Variants in ASXL2 observed in about 807,000 individuals in gnomAD.
ASXL2 encodes the protein putative Polycomb group protein ASXL2.
In ASXL2, 23 loss-of-function variants were observed where a neutral mutation model predicts 122.0. The ratio of observed to expected loss-of-function variants is 0.19; its 90% CI spans 0.14 to 0.27. The LOEUF (loss-of-function observed/expected upper bound fraction) is 0.27. Ranked by LOEUF, ASXL2 falls within the 10% of genes least tolerant of loss-of-function variation. The pLI, the probability that ASXL2 is intolerant of heterozygous loss-of-function variation, is 1.00. For synonymous variants in ASXL2, 650 were observed against 637.0 expected (o/e 1.02, Z -0.31); for missense variants, 1,518 against 1,713.8 (o/e 0.89, Z 2.02).
chr2:25,810,587 C>A, intron 3 of ASXL2: 1 of 734,342 alleles, frequency 1.4e-6, no homozygotes, highest in Non-Finnish European at 2.4e-6. Context: ...CTCTCCTCTG[C>A]ATCATCTGCC....
At chr2:25,791,771 A>C (rs1031877566) in intron 5 of ASXL2, among the ~76,000 whole-genome samples, 1 of 152,212 alleles carries the variant, frequency 6.6e-6, no homozygotes, top group Non-Finnish European at 1.5e-5. Context: ...ACCCAGGCAA[A>C]GTTAACTTAG....
Position 25,860,179 on chromosome 2 carries a change from C to T in ASXL2, c.58-14616G>A, listed in dbSNP as rs544357972. ...ATACAAAATTAACCGGGCATGGTGG[C>T]GCATGCCTGTAATCCCAGCTACTCC... On this transcript the variant is annotated intron_variant, in intron 1 of 12. Coordinates refer to ENST00000435504, the MANE Select transcript of ASXL2 (RefSeq NM_018263.6). Among the ~76,000 whole-genome samples, 17 of 152,118 alleles carry T rather than the reference C, an allele frequency of 1.1e-4. No individual in the cohort carries two copies. The East Asian group carries it at 1.4e-3, about 12-fold the overall frequency.
chr2:25,801,003 T>A (rs1042873402), intron 4 of ASXL2, among the ~76,000 whole-genome samples: 1 of 152,220 alleles, frequency 6.6e-6, no homozygotes, highest in Non-Finnish European at 1.5e-5. Context: ...CACAGCTCAC[T>A]GTAGCCTCGA....
chr2:25,852,614 AAT>A (rs1432923325), intron 1 of ASXL2, among the ~76,000 whole-genome samples: 1 of 152,258 alleles, frequency 6.6e-6, no homozygotes, highest in Non-Finnish European at 1.5e-5. Context: ...CAGATCAGCC[AAT>A]ATAGAGTGAG....
chr2:25,826,590 T>C (rs2089380263), intron 3 of ASXL2, among the ~76,000 whole-genome samples: 2 of 152,142 alleles, frequency 1.3e-5, no homozygotes, highest in East Asian at 3.9e-4. Context: ...CCCAATCTCT[T>C]GTCCATTTTT....
At chr2:25,774,457 T>C (rs2088513818) in intron 5 of ASXL2, among the ~76,000 whole-genome samples, 1 of 152,202 alleles carries the variant, frequency 6.6e-6, no homozygotes, top group African/African-American at 2.4e-5. Context: ...TTTACCTCTT[T>C]TATACTTTAT....
At chr2:25,751,853 T>C (rs552377533) in intron 11 of ASXL2, among the ~76,000 whole-genome samples, 109 of 152,128 alleles carry the variant, frequency 7.2e-4, no homozygotes, top group African/African-American at 2.5e-3. Flanking sequence ...GTAATCTTGG[T>C]CACTGCAACC....
At chr2:25,829,897 G>A (rs11884158) in intron 3 of ASXL2, among the ~76,000 whole-genome samples, 6,464 of 152,272 alleles carry the variant, frequency 0.042, 212 homozygotes, top group African/African-American at 0.08. Flanking sequence ...ATGCTGAGCA[G>A]CCAAGTAGCT....
intron 9 of ASXL2, among the ~76,000 whole-genome samples, chr2:25,758,536 G>T (rs1201021293): frequency 6.6e-6 from 1 of 152,126 alleles, no homozygotes; most frequent in Non-Finnish European, 1.5e-5. Context: ...GATCAGAAGG[G>T]GGAGTGACTG....
chr2:25,802,992 C>T (rs1235213732), intron 4 of ASXL2, among the ~76,000 whole-genome samples: 1 of 152,092 alleles, frequency 6.6e-6, no homozygotes, highest in Non-Finnish European at 1.5e-5. Context: ...ATTAGTTAGG[C>T]GAGGTGGCAA....
chr2:25,857,852 G>A (rs190210906), intron 1 of ASXL2, among the ~76,000 whole-genome samples: 156 of 152,030 alleles, frequency 1.0e-3, no homozygotes, highest in Non-Finnish European at 2.0e-3. Context: ...CATGCAGGCA[G>A]GGATTTTTAT....
chr2:25,876,292 T>A (rs1263510920), intron 1 of ASXL2, among the ~76,000 whole-genome samples: 1 of 152,222 alleles, frequency 6.6e-6, no homozygotes, highest in East Asian at 1.9e-4. Context: ...TATACTAACA[T>A]AGGAAAAGCT....
At chr2:25,799,147 G>GTCAT (rs1404908538) in intron 5 of ASXL2, among the ~76,000 whole-genome samples, 1 of 152,096 alleles carries the variant, frequency 6.6e-6, no homozygotes, top group African/African-American at 2.4e-5. Flanking sequence ...AAATTCCTTG[G>GTCAT]TCATAATAAC....
rs559516716 is a variant in ASXL2, at chr2:25,758,451, A to T, written c.939+1031T>A. 1.1e-3 allele frequency among the ~76,000 whole-genome samples: 168 copies of T among 152,280 alleles called. 1 individual carries two copies. The highest frequency in any genetic ancestry group is 3.8e-3 in the African/African-American group (157 of 41,562). On this transcript the variant is annotated intron_variant, in intron 9 of 12. Coordinates refer to ENST00000435504, the MANE Select transcript of ASXL2 (RefSeq NM_018263.6). ...TACTTAGAACACAGCTGAGATTTTT[A>T]AAAATCTCAGAAGTGAAGAAAGCTT...
chr2:25,872,374 CCT>C (rs998212059), intron 1 of ASXL2, among the ~76,000 whole-genome samples: 3 of 151,906 alleles, frequency 2.0e-5, no homozygotes, highest in African/African-American at 7.3e-5. Flanking sequence ...ACAGCAAGAC[CCT>C]GTCTCAAGGA....
At chr2:25,826,830 T>C (rs2089384495) in intron 3 of ASXL2, among the ~76,000 whole-genome samples, 1 of 145,154 alleles carries the variant, frequency 6.9e-6, no homozygotes, top group African/African-American at 2.5e-5. Context: ...TTCAAGTCGA[T>C]TTTATTTTAT....
chr2:25,867,160 A>G (rs1481302648), intron 1 of ASXL2, among the ~76,000 whole-genome samples: 1 of 151,808 alleles, frequency 6.6e-6, no homozygotes, highest in Non-Finnish European at 1.5e-5. Flanking sequence ...TTGGCCTCCC[A>G]AAGAGCTGGG....
intron 5 of ASXL2, 84 bp downstream of exon 5, chr2:25,799,301 T>C (rs2088959838): frequency 6.3e-7 from 1 of 1,583,370 alleles, no homozygotes; most frequent in Middle Eastern, 1.8e-4. Flanking sequence ...CTGACTGACC[T>C]GGAGTCTGGG....
In ASXL2 at chr2:25,841,684, TA is replaced by T. The variant is rs2089580898; in HGVS notation, c.140+3796del. Reference sequence around the variant, plus strand: ...CAACTTGGTGAAACCCTGTCTCTACTAAAAATACAAAAATTAGCTTTGGGAG... The same window carrying T: ...CAACTTGGTGAAACCCTGTCTCTACTAAAATACAAAAATTAGCTTTGGGAG... On this transcript the variant is annotated intron_variant, in intron 2 of 12. Coordinates refer to ENST00000435504, the MANE Select transcript of ASXL2 (RefSeq NM_018263.6). Among the ~76,000 whole-genome samples the T allele has an allele frequency of 2.6e-5, 4 of 152,040 alleles. No homozygotes were observed. In the South Asian group the frequency reaches 8.3e-4, roughly 32 times the overall value.
Sources: gnomAD v4.1 joint callset for allele counts (sites outside exome capture counted in the v4.1 genomes callset) on GRCh38, gnomAD v4.1.1 for gene constraint, MANE v1.5 for transcripts, NCBI Gene and HGNC (gene_info 2026-07-23, HGNC 2026-07-21) for gene names.